The following RNF150 variants were observed in gnomAD, a reference collection of about 807,000 sequenced individuals.
RNF150 encodes the protein ring finger protein 150.
A neutral mutation model predicts 39.3 loss-of-function variants in RNF150; 24 were observed. The observed-to-expected ratio is 0.61, with a 90% CI of 0.44 to 0.86. The LOEUF is 0.86. RNF150 is among the 40% of genes least tolerant of loss of function. The probability of loss-of-function intolerance (pLI) is 0.00; values close to 1 mark genes in which losing one functional copy is unlikely to be tolerated. For missense variants in RNF150, 502 were observed against 587.8 expected, an observed-to-expected ratio of 0.85 and a Z score of 1.51; for synonymous variants, 255 against 227.3, an observed-to-expected ratio of 1.12 and a Z score of -1.10.
At chr4:141,196,228 TA>T (rs1333833425) in intron 1 of RNF150, among the ~76,000 whole-genome samples, 3 of 152,264 alleles carry the variant, frequency 2.0e-5, no homozygotes, top group South Asian at 4.1e-4. Flanking sequence ...TTTCTTCTGT[TA>T]AAAAAACCCT....
At chr4:141,025,813 C>T (rs373269579) in intron 1 of RNF150, among the ~76,000 whole-genome samples, 1 of 152,000 alleles carries the variant, frequency 6.6e-6, no homozygotes, top group East Asian at 1.9e-4. Context: ...ATCTTTAAAG[C>T]ATGAAGATAG....
intron 1 of RNF150, among the ~76,000 whole-genome samples, chr4:141,193,526 G>T (rs1728150606): frequency 6.6e-6 from 1 of 152,154 alleles, no homozygotes; most frequent in African/African-American, 2.4e-5. Flanking sequence ...CACTATTCTG[G>T]GCACTGGGGA....
chr4:140,880,470 A>G (rs574652491), intron 6 of RNF150, among the ~76,000 whole-genome samples: 3 of 151,098 alleles, frequency 2.0e-5, no homozygotes, highest in African/African-American at 7.3e-5. Flanking sequence ...CTTTTCTTGT[A>G]GTATCTTTGT....
At chr4:140,940,649 C>T (rs573501584) in intron 4 of RNF150, among the ~76,000 whole-genome samples, 1 of 152,286 alleles carries the variant, frequency 6.6e-6, no homozygotes, top group East Asian at 1.9e-4. Flanking sequence ...AAGATGGCAA[C>T]AAGGGCAACC....
At chr4:140,920,632 T>A (rs1374549205) in intron 5 of RNF150, among the ~76,000 whole-genome samples, 1 of 149,338 alleles carries the variant, frequency 6.7e-6, no homozygotes, top group Non-Finnish European at 1.5e-5. Context: ...GGTGTGGCGA[T>A]TCCTCAGGGA....
chr4:141,025,888 T>G (rs1735676581), intron 1 of RNF150, among the ~76,000 whole-genome samples: 1 of 152,174 alleles, frequency 6.6e-6, no homozygotes, highest in Non-Finnish European at 1.5e-5. Context: ...AAACCTGAAT[T>G]TCCAATGTGA....
chr4:140,993,959 G>A (rs1410675013), intron 1 of RNF150, among the ~76,000 whole-genome samples: 1 of 152,132 alleles, frequency 6.6e-6, no homozygotes, highest in East Asian at 1.9e-4. Context: ...ACAAAGTTGC[G>A]TTTGTGGGTG....
chr4:141,122,708 A>G (rs1171916514), intron 1 of RNF150, among the ~76,000 whole-genome samples: 1 of 152,240 alleles, frequency 6.6e-6, no homozygotes, highest in Non-Finnish European at 1.5e-5. Context: ...GTATGATTAA[A>G]TTTTTAAAAG....
In RNF150 at chr4:141,095,942, T is replaced by C. The variant is rs556024315; in HGVS notation, c.484+36383A>G. Among the ~76,000 whole-genome samples, 3 of 152,280 alleles carry C rather than the reference T, an allele frequency of 2.0e-5. No individual in the cohort carries two copies. The South Asian group carries it at 6.2e-4, about 32-fold the overall frequency. On this transcript the variant is annotated intron_variant, in intron 1 of 6. Transcript: ENST00000515673. ...TTAAACTTCACATGTTACATAAACA[T>C]GCACTCTTACACAAACATGATGTAT...
intron 1 of RNF150, among the ~76,000 whole-genome samples, chr4:141,001,295 G>A (rs1253758166): frequency 6.6e-6 from 1 of 151,732 alleles, no homozygotes; most frequent in Non-Finnish European, 1.5e-5. Flanking sequence ...ATTGTTTTAT[G>A]TATACCTCTC....
chr4:141,172,017 C>T (rs949583722), intron 1 of RNF150, among the ~76,000 whole-genome samples: 3 of 152,202 alleles, frequency 2.0e-5, no homozygotes, highest in African/African-American at 7.2e-5. Flanking sequence ...TGTACCTATA[C>T]ATAAGATCAA....
intron 5 of RNF150, among the ~76,000 whole-genome samples, chr4:140,916,351 G>C (rs1032331989): frequency 6.6e-6 from 1 of 152,186 alleles, no homozygotes; most frequent in African/African-American, 2.4e-5. Flanking sequence ...AGTCCTTACA[G>C]GACCTGATGG....
At chr4:141,021,915 G>C (rs1447971136) in intron 1 of RNF150, among the ~76,000 whole-genome samples, 1 of 152,146 alleles carries the variant, frequency 6.6e-6, no homozygotes, top group Non-Finnish European at 1.5e-5. Context: ...AAATCAAAAG[G>C]GAAAACATGA....
intron 1 of RNF150, among the ~76,000 whole-genome samples, chr4:141,027,746 G>A (rs116565633): frequency 0.01 from 1,559 of 152,150 alleles, 14 homozygotes; most frequent in Non-Finnish European, 0.017. Flanking sequence ...ATAAGACTTA[G>A]CCCCTTAATG....
intron 1 of RNF150, among the ~76,000 whole-genome samples, chr4:141,036,169 T>G (rs1003479278): frequency 7.2e-5 from 11 of 152,156 alleles, no homozygotes; most frequent in African/African-American, 2.7e-4. Flanking sequence ...AAATATAGTT[T>G]CCCTTTCCAC....
At chr4:141,140,160 G>C (rs878927763) in intron 1 of RNF150, among the ~76,000 whole-genome samples, 3 of 152,078 alleles carry the variant, frequency 2.0e-5, no homozygotes, top group African/African-American at 7.2e-5. Context: ...TTTTGGAAAC[G>C]TTTTTTTAGA....
chr4:140,954,220 A>C (rs13116713), intron 2 of RNF150, among the ~76,000 whole-genome samples: 51,886 of 151,050 alleles, frequency 0.34, 9,200 homozygotes, highest in South Asian at 0.51. Context: ...TCTTCTTCTT[A>C]TTATTATTTT....
chr4:141,022,048 T>C (rs1735515264), intron 1 of RNF150, among the ~76,000 whole-genome samples: 1 of 152,106 alleles, frequency 6.6e-6, no homozygotes, highest in Non-Finnish European at 1.5e-5. Flanking sequence ...GCTGTGGTCG[T>C]AGCAATTGGA....
intron 1 of RNF150, among the ~76,000 whole-genome samples, chr4:141,099,379 A>G (rs1738921797): frequency 1.3e-5 from 2 of 152,144 alleles, no homozygotes; most frequent in African/African-American, 4.8e-5. Context: ...TATCAGATTG[A>G]TCTGGATCAA....
Sources: gnomAD v4.1 joint callset for allele counts (sites outside exome capture counted in the v4.1 genomes callset) on GRCh38, gnomAD v4.1.1 for gene constraint, MANE v1.5 for transcripts, NCBI Gene and HGNC (gene_info 2026-07-23, HGNC 2026-07-21) for gene names.